The following TAF15 variants were observed in gnomAD, a reference collection of about 807,000 sequenced individuals.
TAF15 encodes the protein TATA-box binding protein associated factor 15, also known as TATA-binding protein-associated factor 2N.
Under a neutral mutation model 102.5 loss-of-function variants are expected in TAF15, and 37 were observed. The observed-to-expected ratio is 0.36, with a 90% CI of 0.28 to 0.47. The LOEUF (loss-of-function observed/expected upper bound fraction) is 0.47. Ranked by LOEUF, TAF15 falls within the 20% of genes least tolerant of loss-of-function variation. The pLI is 0.99. For missense variants in TAF15, 652 were observed against 760.7 expected (o/e 0.86, Z 1.68); for synonymous variants, 273 against 259.2 (o/e 1.05, Z -0.51).
intron 7 of TAF15, among the ~76,000 whole-genome samples, chr17:35,829,384 G>A (rs1316962836): frequency 6.6e-6 from 1 of 150,766 alleles, no homozygotes; most frequent in South Asian, 2.1e-4. Flanking sequence ...TGTGATCCCA[G>A]CACTTTGGGA....
At chr17:35,846,092 A>G (rs570930063) in intron 15 of TAF15, among the ~76,000 whole-genome samples, 1 of 152,352 alleles carries the variant, frequency 6.6e-6, no homozygotes, top group South Asian at 2.1e-4. Context: ...AGTAACTTCA[A>G]TTATTATACT....
rs572142996 is a variant in TAF15, at chr17:35,816,993, T to C, written c.8-723T>C. The C allele has an allele frequency of 5.3e-5, 8 of 152,132 alleles. No individual in the cohort carries two copies. In the East Asian group the frequency reaches 1.5e-3, roughly 29 times the overall value. 9.4% of individuals were successfully genotyped at this position (152,132 alleles called of 1,614,324 possible). A position where few individuals can be genotyped will look rare whatever the true frequency, so the allele number is the denominator to read the frequency against. ...TGCCACCATGCCCAGCTAGTTTTTGTGTTTTTTGTAGAGATGGGGTTTCGC... is the reference window on the plus strand; with the variant it reads ...TGCCACCATGCCCAGCTAGTTTTTGCGTTTTTTGTAGAGATGGGGTTTCGC... On this transcript the variant is annotated intron_variant, in intron 1 of 15. Transcript: ENST00000605844.
chr17:35,828,811 T>G (rs2087363072), intron 7 of TAF15, among the ~76,000 whole-genome samples: 1 of 152,130 alleles, frequency 6.6e-6, no homozygotes, highest in Non-Finnish European at 1.5e-5. Flanking sequence ...GTACATTCCT[T>G]TTTTCATATT....
chr17:35,826,039 C>T (rs978332808), intron 7 of TAF15, among the ~76,000 whole-genome samples: 1 of 152,282 alleles, frequency 6.6e-6, no homozygotes, highest in South Asian at 2.1e-4. Context: ...AATGATCCTC[C>T]TGACAAAGGA....
Position 35,847,186 on chromosome 17 carries a change from A to C in TAF15, c.*241A>C. On this transcript the variant is annotated 3_prime_UTR_variant, in exon 16 of 16. Transcript: ENST00000605844. ...AAATGCGTTGTAAAATATTGCCAAAATGAAAAGTGTTTTGTAATACTGCAA... is the reference window on the plus strand; with the variant it reads ...AAATGCGTTGTAAAATATTGCCAAACTGAAAAGTGTTTTGTAATACTGCAA... The C allele has an allele frequency of 1.6e-6, 1 of 609,046 alleles. No individual in the cohort carries two copies. The highest frequency in any genetic ancestry group is 2.9e-6 in the Non-Finnish European group (1 of 343,968). 37.7% of individuals were successfully genotyped at this position (609,046 alleles called of 1,614,324 possible). A position where few individuals can be genotyped will look rare whatever the true frequency, so the allele number is the denominator to read the frequency against.
chr17:35,819,980 A>C, intron 2 of TAF15, 44 bp from the exon 3 acceptor site: 1 of 1,585,690 alleles, frequency 6.3e-7, no homozygotes, highest in South Asian at 1.1e-5. Context: ...TAAACTTTAA[A>C]ATTTCTACAC....
rs773661291 is a variant in TAF15 at position 35,833,572 on chromosome 17, ATACT to A, written c.606-330_606-327del. 68 of 209,412 alleles carry A rather than the reference ATACT, an allele frequency of 3.2e-4. 1 individual carries two copies. The East Asian group carries it at 3.4e-3, about 10-fold the overall frequency. The allele number at this position is 209,412 out of a possible 1,614,324, so 13.0% of individuals were successfully genotyped here. Reference sequence around the variant, plus strand: ...TTTAGAAAATAACCGTTTGGAAAAAATACTTACTCTAGTTTAGTATTTTTCATGC... The same window carrying A: ...TTTAGAAAATAACCGTTTGGAAAAAATACTCTAGTTTAGTATTTTTCATGC... On this transcript the variant is annotated intron_variant, in intron 7 of 15. Coordinates refer to ENST00000605844, the MANE Select transcript of TAF15 (RefSeq NM_139215.3).
chr17:35,810,750 G>A (rs2087115341), intron 1 of TAF15: 1 of 152,168 alleles, frequency 6.6e-6, no homozygotes, highest in African/African-American at 2.4e-5. Context: ...AGAAATGTGT[G>A]ACTAAAATGA....
intron 3 of TAF15, 40 bp downstream of exon 3, chr17:35,820,115 T>C: frequency 2.5e-6 from 4 of 1,613,734 alleles, no homozygotes; most frequent in South Asian, 2.2e-5. Context: ...TAAGTAGTTA[T>C]TTTTATCTTA....
rs190545631 is a variant in TAF15 at position 35,839,404 on chromosome 17, C to T, written c.913+851C>T. On this transcript the variant is annotated intron_variant, in intron 11 of 15. Transcript: ENST00000605844. ...TTTTTTTTTTTTTTTTTTTTTGAGA[C>T]GGAGTCTCGCTTTGTCTCCCGGGCT... 2.7e-3 allele frequency among the ~76,000 whole-genome samples: 219 copies of T among 80,532 alleles called. 6 individuals carry two copies. The highest frequency in any genetic ancestry group is 0.015 in the Middle Eastern group (1 of 66). 52.8% of individuals were successfully genotyped at this position (80,532 alleles called of 152,430 possible).
At chr17:35,827,634 G>A (rs191424561) in intron 7 of TAF15, among the ~76,000 whole-genome samples, 1 of 152,152 alleles carries the variant, frequency 6.6e-6, no homozygotes, top group Non-Finnish European at 1.5e-5. Flanking sequence ...TGACCTGGGA[G>A]TTGGTGGTTG....
At chr17:35,837,055 G>A (rs2087483598) in intron 10 of TAF15, among the ~76,000 whole-genome samples, 1 of 151,988 alleles carries the variant, frequency 6.6e-6, no homozygotes, top group African/African-American at 2.4e-5. Context: ...ATTACAGTAG[G>A]AATGAGCCAC....
rs747887131 is a variant in TAF15 at position 35,844,072 on chromosome 17, C to T, written c.1007-5C>T. On this transcript the variant is annotated splice_polypyrimidine_tract_variant and splice_region_variant and intron_variant, in intron 12 of 15. Transcript: ENST00000605844. ...GATTTTTCTCCCCTGGCCCCATCCC[C>T]CTAGGCCGTGGAGGATATAGAGGTC... 1.2e-6 allele frequency: 2 copies of T among 1,613,896 alleles called. No homozygotes were observed. Among genetic ancestry groups the T allele is most frequent in the East Asian group, 2.2e-5 (1 of 44,902 alleles).
chr17:35,830,847 G>C (rs1367053937), intron 7 of TAF15, among the ~76,000 whole-genome samples: 2 of 152,174 alleles, frequency 1.3e-5, no homozygotes, highest in African/African-American at 4.8e-5. Flanking sequence ...GCTTTTCTCA[G>C]AACCTTCCAG....
Position 35,844,866 on chromosome 17 carries a change from G to C in TAF15, c.1567G>C (p.Gly523Arg), listed in dbSNP as rs1568284688. Residue 523 changes from glycine (G) to arginine (R), a missense_variant, in exon 15 of 16, where the codon GGA becomes CGA. This residue lies in a region of TAF15 where 368 missense variants were observed against 367.5 expected (regional missense o/e 1.00). Coordinates refer to ENST00000605844, the MANE Select transcript of TAF15 (RefSeq NM_139215.3). ...TTATGGAGGAGATCGAGGAGGCTAT[G>C]GAGGAGACAGAAGCCGGGGGGGCTA... ...GGYGGDRGGY[G>R]GDRSRGGYGG... 1 of 1,612,918 alleles carries C rather than the reference G, an allele frequency of 6.2e-7. No individual in the cohort carries two copies. The highest frequency in any genetic ancestry group is 1.7e-5 in the Admixed American group (1 of 59,922).
intron 1 of TAF15, 121 bp downstream of exon 1, chr17:35,809,697 G>T (rs760001920): frequency 8.9e-5 from 125 of 1,406,076 alleles, no homozygotes; most frequent in African/African-American, 2.6e-4. Flanking sequence ...GGCTTGGGGT[G>T]GGGGGGCGGC....
intron 11 of TAF15, among the ~76,000 whole-genome samples, chr17:35,840,530 G>A (rs565520994): frequency 9.3e-5 from 14 of 150,814 alleles, no homozygotes; most frequent in Admixed American, 3.3e-4. Flanking sequence ...GGGATTACAG[G>A]CGCTCACCAC....
rs766274466 is a variant in TAF15 at position 35,844,141 on chromosome 17, T to C, written c.1071T>C (p.Asp357=). Residue 357 remains aspartate (D), a synonymous_variant, in exon 13 of 16, where the codon GAT becomes GAC. Coordinates refer to ENST00000605844, the MANE Select transcript of TAF15 (RefSeq NM_139215.3). ...GAGGTGGAGACCCCAAAAGTGGGGA[T>C]TGGGTTTGCCCTAATCCGTAAGTGT... ...QGRGGDPKSG[D]WVCPNPSCGN... The C allele has an allele frequency of 1.9e-6, 3 of 1,613,932 alleles. No individual in the cohort carries two copies. The highest frequency in any genetic ancestry group is 2.5e-6 in the Non-Finnish European group (3 of 1,179,966).
Position 35,822,740 on chromosome 17 carries a change from G to A in TAF15, c.391G>A (p.Glu131Lys). ...TGATCAACATCAAGGCTCATATGAT[G>A]AGCAGTCAAATTATGATCAGCAGCA... ...GYDQHQGSYD[E>K]QSNYDQQHDS... Residue 131 changes from glutamate to lysine, a missense_variant, in exon 6 of 16, where the codon GAG (glutamate) becomes AAG (lysine). Transcript: ENST00000605844. 1 of 1,614,182 alleles carries A rather than the reference G, an allele frequency of 6.2e-7. No individual in the cohort carries two copies. Among genetic ancestry groups the A allele is most frequent in the Non-Finnish European group, 8.5e-7 (1 of 1,180,040 alleles).
Sources: gnomAD v4.1 joint callset for allele counts (sites outside exome capture counted in the v4.1 genomes callset) on GRCh38, gnomAD v4.1.1 for gene constraint, gnomAD v4.1.1 regional missense constraint, MANE v1.5 for transcripts, NCBI Gene and HGNC (gene_info 2026-07-23, HGNC 2026-07-21) for gene names.